DHRS2: variants seen among roughly 807,000 people sequenced by gnomAD.
The protein encoded by DHRS2 is dehydrogenase/reductase 2.
In DHRS2, 29 loss-of-function variants were observed where a neutral mutation model predicts 26.3. That is an observed-to-expected ratio of 1.10 (90% CI 0.82 to 1.50). DHRS2 has a LOEUF of 1.50. Ranked by LOEUF, DHRS2 falls within the 40% of genes most tolerant of loss-of-function variation. The pLI is 0.00. For missense variants in DHRS2, 439 were observed against 367.1 expected, an observed-to-expected ratio of 1.20 and a Z score of -1.60; for synonymous variants, 164 against 151.3, an observed-to-expected ratio of 1.08 and a Z score of -0.62.
intron 1 of DHRS2, among the ~76,000 whole-genome samples, chr14:23,637,317 G>C (rs1594238668): frequency 6.6e-6 from 1 of 152,120 alleles, no homozygotes; most frequent in Non-Finnish European, 1.5e-5. Context: ...TTAGGCACCT[G>C]GGCTCACCAA....
chr14:23,633,335 C>A (rs898588240), upstream of DHRS2, among the ~76,000 whole-genome samples: 2 of 152,202 alleles, frequency 1.3e-5, no homozygotes, highest in Admixed American at 6.5e-5. Flanking sequence ...CTTCAATCAG[C>A]ACCGGCCTGC....
At position 23,639,303 on chromosome 14, in the gene DHRS2, G is replaced by C. The variant is rs774284809; in HGVS notation, c.265G>C (p.Gly89Arg). The change falls in exon 3 of 9, where the codon GGC becomes CGC. Residue 89 changes from glycine to arginine, a missense_variant. Gly to Arg is a moderately radical substitution (Grantham distance 125, BLOSUM62 -2). Transcript: ENST00000250383. ...GCAGGGGGAGGGGCTGAGTGTGGCG[G>C]GCATTGTGTGCCACGTGGGGAAGGC... ...KLQGEGLSVA[G>R]IVCHVGKAED... 3 of 1,596,526 alleles carry C rather than the reference G, an allele frequency of 1.9e-6. No homozygotes were observed. The highest frequency in any genetic ancestry group is 1.7e-6 in the Non-Finnish European group (2 of 1,172,006).
chr14:23,635,223 C>A (rs1377998756), upstream of DHRS2, among the ~76,000 whole-genome samples: 3 of 152,110 alleles, frequency 2.0e-5, no homozygotes, highest in Admixed American at 6.5e-5. Flanking sequence ...CCACCACACC[C>A]AGCTAATTTT....
chr14:23,633,338 C>A (rs573548430), upstream of DHRS2, among the ~76,000 whole-genome samples: 2 of 152,184 alleles, frequency 1.3e-5, no homozygotes, highest in Non-Finnish European at 2.9e-5. Flanking sequence ...CAATCAGCAC[C>A]GGCCTGCTGG....
intron 8 of DHRS2, 34 bp from the exon 9 acceptor site, chr14:23,645,108 A>T (rs762145057): frequency 1.1e-5 from 17 of 1,613,014 alleles, no homozygotes; most frequent in Non-Finnish European, 1.4e-5. Context: ...ATCAGAGTAC[A>T]AGATGCTTGA....
rs1408681727 is a variant in DHRS2, at chr14:23,645,521, G to A, written c.*268G>A. 1.2e-4 allele frequency: 70 copies of A among 570,252 alleles called. No homozygotes were observed. In the South Asian group the frequency reaches 1.8e-3, roughly 15 times the overall value. The allele number at this position is 570,252 out of a possible 1,614,324, so 35.3% of individuals were successfully genotyped here. A position where few individuals can be genotyped will look rare whatever the true frequency, so the allele number is the denominator to read the frequency against. On this transcript the variant is annotated 3_prime_UTR_variant, in exon 9 of 9. Transcript: ENST00000250383. ...AAGGATTTTATGGAGCTGGTGCTTT[G>A]GAGGAATCTTAAGGGAAAGGAGTAG...
chr14:23,644,725 G>T, intron 7 of DHRS2, 102 bp from the exon 8 acceptor site: 1 of 1,506,782 alleles, frequency 6.6e-7, no homozygotes, highest in Admixed American at 1.7e-5. Flanking sequence ...CTTCTTTTGA[G>T]AAGGGCAAAG....
At chr14:23,640,707 C>G (rs1043852132) in intron 4 of DHRS2, 5 of 153,076 alleles carry the variant, frequency 3.3e-5, no homozygotes, top group African/African-American at 1.2e-4. Flanking sequence ...ATCCTGCACT[C>G]TCACTTGCCA....
upstream of DHRS2, among the ~76,000 whole-genome samples, chr14:23,632,321 C>G (rs2138354755): frequency 6.6e-6 from 1 of 152,276 alleles, no homozygotes; most frequent in Non-Finnish European, 1.5e-5. Context: ...GGAGCTGAAA[C>G]CCCTTGTCTC....
upstream of DHRS2, among the ~76,000 whole-genome samples, chr14:23,633,864 C>T (rs1437981761): frequency 6.6e-6 from 1 of 152,096 alleles, no homozygotes; most frequent in East Asian, 1.9e-4. Context: ...AAGTTTTAAG[C>T]TGCTTGAATT....
chr14:23,645,364 A>G lies in DHRS2; in HGVS notation c.*111A>G. 4 of 1,591,586 alleles carry G rather than the reference A, an allele frequency of 2.5e-6. No homozygotes were observed. Among genetic ancestry groups the G allele is most frequent in the East Asian group, 2.2e-5 (1 of 44,598 alleles). ...AGTCTGCCATTCTGCCAGACTAGCA[A>G]TTTGGGGGCTTACTCATGCTAGGCT... is the stretch of plus-strand genomic sequence containing the variant. On this transcript the variant is annotated 3_prime_UTR_variant, in exon 9 of 9. Transcript: ENST00000250383.
At chr14:23,631,868 A>T (rs563844348), upstream of DHRS2, among the ~76,000 whole-genome samples, 2 of 152,292 alleles carry the variant, frequency 1.3e-5, no homozygotes, top group East Asian at 3.9e-4. Flanking sequence ...CTCCCAGGCA[A>T]AAGAGGGGCT....
rs758094559 is a variant in DHRS2, at chr14:23,643,179, G to C, written c.448G>C (p.Ala150Pro). 1 of 1,614,090 alleles carries C rather than the reference G, an allele frequency of 6.2e-7. No homozygotes were observed. The highest frequency in any genetic ancestry group is 1.1e-5 in the South Asian group (1 of 91,060). Residue 150 changes from alanine (A) to proline (P), a missense_variant, in exon 5 of 9, where the codon GCC (alanine) becomes CCC (proline). Coordinates refer to ENST00000250383, the MANE Select transcript of DHRS2 (RefSeq NM_005794.4). Reference sequence around the variant, plus strand: ...CCTAAGTGTGAACGTGAAGTCCCCAGCCCTGCTGCTGAGCCAGTTGCTGCC... The same window carrying C: ...CCTAAGTGTGAACGTGAAGTCCCCACCCCTGCTGCTGAGCCAGTTGCTGCC... ...KILSVNVKSPALLLSQLLPYM... is the reference protein window; with the variant it reads ...KILSVNVKSPPLLLSQLLPYM...
chr14:23,644,220 T>C lies in DHRS2; in HGVS notation c.540+58T>C, dbSNP rs150598928. On this transcript the variant is annotated intron_variant, in intron 6 of 8. Coordinates refer to ENST00000250383, the MANE Select transcript of DHRS2 (RefSeq NM_005794.4). ...ATAGGGTGAGGGGCAACTTTGTTCTTTTCCTCAGAGCCTTACAGACAAAGT... is the reference window on the plus strand; with the variant it reads ...ATAGGGTGAGGGGCAACTTTGTTCTCTTCCTCAGAGCCTTACAGACAAAGT... The C allele has an allele frequency of 5.5e-4, 876 of 1,598,776 alleles. 5 individuals are homozygous for C. In the African/African-American group the frequency reaches 0.011, roughly 20 times the overall value.
upstream of DHRS2, among the ~76,000 whole-genome samples, chr14:23,634,267 C>T (rs1298389524): frequency 1.3e-5 from 2 of 151,948 alleles, no homozygotes; most frequent in African/African-American, 2.4e-5. Context: ...GAGGTTTCAC[C>T]ATGTTGGCTA....
chr14:23,644,434 A>G lies in DHRS2; in HGVS notation c.566A>G (p.Lys189Arg). 6.2e-7 allele frequency: 1 copy of G among 1,614,182 alleles called. No homozygotes were observed. ...GCGCTGGGTGTCTACAATGTCAGCA[A>G]GACAGCGCTGCTGGGTCTCACTAGA... is the stretch of plus-strand genomic sequence containing the variant. ...VVALGVYNVS[K>R]TALLGLTRTL... The change falls in exon 7 of 9, where the codon AAG becomes AGG. Residue 189 changes from lysine (K) to arginine (R), a missense_variant. Coordinates refer to ENST00000250383, the MANE Select transcript of DHRS2 (RefSeq NM_005794.4).
intron 1 of DHRS2, among the ~76,000 whole-genome samples, chr14:23,637,681 T>C (rs1890392599): frequency 1.3e-5 from 2 of 152,154 alleles, no homozygotes; most frequent in South Asian, 2.1e-4. Context: ...GTCCTCCTCA[T>C]GGTCTAGGAG....
upstream of DHRS2, among the ~76,000 whole-genome samples, chr14:23,635,989 G>A (rs1594235973): frequency 6.6e-6 from 1 of 152,240 alleles, no homozygotes; most frequent in Non-Finnish European, 1.5e-5. Flanking sequence ...TGGGCTTCTG[G>A]GTCCGGTGGG....
chr14:23,645,226 G>T lies in DHRS2; in HGVS notation c.816G>T (p.Ala272=), dbSNP rs757863804. The T allele has an allele frequency of 6.8e-6, 11 of 1,614,144 alleles. No individual in the cohort carries two copies. The highest frequency in any genetic ancestry group is 9.3e-6 in the Non-Finnish European group (11 of 1,180,042). ...GCTACGTCAACGGGGAGAACATTGC[G>T]GTGGCAGGCTACTCCACTCGGCTCT... is the stretch of plus-strand genomic sequence containing the variant. The part of the protein sequence containing the change: ...DASYVNGENI[A]VAGYSTRL Residue 272 remains alanine (A), a synonymous_variant, in exon 9 of 9, where the codon GCG becomes GCT. Transcript: ENST00000250383.
Sources: allele counts gnomAD v4.1 joint callset (sites outside exome capture counted in the v4.1 genomes callset), GRCh38; gene constraint gnomAD v4.1.1; transcripts MANE v1.5; gene names NCBI Gene and HGNC (gene_info 2026-07-23, HGNC 2026-07-21).